GMDS: variants seen among roughly 807,000 people sequenced by gnomAD.
GMDS encodes the protein GDP-mannose 4,6 dehydratase.
In GMDS, 20 loss-of-function variants were observed where a neutral mutation model predicts 49.9. The ratio of observed to expected loss-of-function variants is 0.40; its 90% CI spans 0.28 to 0.58. The LOEUF (loss-of-function observed/expected upper bound fraction) is 0.58. GMDS is among the 20% of genes least tolerant of loss of function. The probability of loss-of-function intolerance (pLI) is 0.42; values close to 1 mark genes in which losing one functional copy is unlikely to be tolerated. For synonymous variants in GMDS, 177 were observed against 178.6 expected (o/e 0.99, Z 0.07); for missense variants, 362 against 481.4 (o/e 0.75, Z 2.32).
intron 7 of GMDS, among the ~76,000 whole-genome samples, chr6:1,808,159 G>C (rs192745532): frequency 1.3e-5 from 2 of 152,296 alleles, no homozygotes; most frequent in African/African-American, 2.4e-5. Flanking sequence ...CCTAAGGTGA[G>C]TCAGGTACCA....
rs1288200636 is a variant in GMDS at position 1,764,289 on chromosome 6, G to A, written c.772-21703C>T. ...ACGGAGGCCCGTGTGTGGGATGTGAGAGCCGAGAGGTTCACAGAGGCAAGA... is the reference window on the plus strand; with the variant it reads ...ACGGAGGCCCGTGTGTGGGATGTGAAAGCCGAGAGGTTCACAGAGGCAAGA... On this transcript the variant is annotated intron_variant, in intron 7 of 10. Coordinates refer to ENST00000380815, the MANE Select transcript of GMDS (RefSeq NM_001500.4). Among the ~76,000 whole-genome samples, 8 of 152,178 alleles carry A rather than the reference G, an allele frequency of 5.3e-5. No individual in the cohort carries two copies. In the East Asian group the frequency reaches 1.5e-3, roughly 29 times the overall value.
intron 4 of GMDS, among the ~76,000 whole-genome samples, chr6:2,113,172 G>A (rs1402985220): frequency 2.0e-5 from 3 of 152,102 alleles, no homozygotes; most frequent in Non-Finnish European, 2.9e-5. Flanking sequence ...TTCTAGTACT[G>A]GTTCTATTGA....
At chr6:1,631,430 G>A (rs900623751) in intron 9 of GMDS, among the ~76,000 whole-genome samples, 33 of 152,008 alleles carry the variant, frequency 2.2e-4, no homozygotes, top group Non-Finnish European at 4.1e-4. Context: ...ATAAGAGGAA[G>A]GTAATTTTCC....
At chr6:1,983,244 A>G (rs1263458203) in intron 4 of GMDS, among the ~76,000 whole-genome samples, 1 of 152,170 alleles carries the variant, frequency 6.6e-6, no homozygotes, top group Non-Finnish European at 1.5e-5. Flanking sequence ...CGGACTAAAG[A>G]CTTAAATGTA....
At chr6:1,671,335 G>A (rs555263757) in intron 9 of GMDS, among the ~76,000 whole-genome samples, 12 of 152,128 alleles carry the variant, frequency 7.9e-5, no homozygotes, top group Non-Finnish European at 1.5e-4. Flanking sequence ...AGGAAGCAGC[G>A]ACTGAAGACT....
intron 7 of GMDS, among the ~76,000 whole-genome samples, chr6:1,926,289 A>C (rs1294766881): frequency 6.6e-6 from 1 of 152,208 alleles, no homozygotes; most frequent in Non-Finnish European, 1.5e-5. Context: ...AAACTGAAAG[A>C]GCACCCTGTA....
At chr6:2,141,560 C>T (rs77151159) in intron 1 of GMDS, among the ~76,000 whole-genome samples, 4 of 152,128 alleles carry the variant, frequency 2.6e-5, no homozygotes, top group African/African-American at 9.7e-5. Context: ...TTCATAAAAC[C>T]GTGAACGCTG....
chr6:2,025,709 T>C (rs950347021), intron 4 of GMDS, among the ~76,000 whole-genome samples: 3 of 152,194 alleles, frequency 2.0e-5, no homozygotes, highest in Non-Finnish European at 4.4e-5. Context: ...GTATATACCA[T>C]GTAGCCAGCT....
rs781508463 is a variant in GMDS at position 1,833,896 on chromosome 6, C to T, written c.772-91310G>A. On this transcript the variant is annotated intron_variant, in intron 7 of 10. Transcript: ENST00000380815. The surrounding 1 kb of genome is among the most constrained non-coding windows in gnomAD (Gnocchi z 4.4). The stretch of plus-strand genomic sequence containing the variant: ...TCAATATCTAAATGAGAAACATGCT[C>T]TCCTTAAAATCACAATGCATATATC... 6.6e-6 allele frequency among the ~76,000 whole-genome samples: 1 copy of T among 152,194 alleles called. No homozygotes were observed. Among genetic ancestry groups the T allele is most frequent in the Non-Finnish European group, 1.5e-5 (1 of 68,028 alleles).
chr6:2,105,433 G>A (rs1400579158), intron 4 of GMDS, among the ~76,000 whole-genome samples: 1 of 152,092 alleles, frequency 6.6e-6, no homozygotes, highest in South Asian at 2.1e-4. Flanking sequence ...CTTTAGGACT[G>A]ACCATACTGG....
intron 7 of GMDS, among the ~76,000 whole-genome samples, chr6:1,846,915 A>G (rs1463546749): frequency 6.6e-6 from 1 of 152,366 alleles, no homozygotes; most frequent in East Asian, 1.9e-4. Flanking sequence ...CAAAACAATG[A>G]CAAGTATGAA....
chr6:2,142,193 A>G (rs1197705045), intron 1 of GMDS, among the ~76,000 whole-genome samples: 3 of 152,180 alleles, frequency 2.0e-5, no homozygotes, highest in Non-Finnish European at 1.5e-5. Flanking sequence ...TCCTGTTCAT[A>G]TTCGAAGGAG....
chr6:1,816,060 T>C (rs1770655540), intron 7 of GMDS, among the ~76,000 whole-genome samples: 1 of 152,238 alleles, frequency 6.6e-6, no homozygotes, highest in South Asian at 2.1e-4. Flanking sequence ...GCATGCTCAC[T>C]GCCCCACCAG....
chr6:1,808,275 C>G (rs1407591981), intron 7 of GMDS, among the ~76,000 whole-genome samples: 2 of 152,136 alleles, frequency 1.3e-5, no homozygotes, highest in Non-Finnish European at 2.9e-5. Flanking sequence ...ATTGGGGGCT[C>G]TTAGCTTTTC....
intron 1 of GMDS, among the ~76,000 whole-genome samples, chr6:2,212,304 C>T (rs932894837): frequency 8.5e-5 from 13 of 152,154 alleles, no homozygotes; most frequent in African/African-American, 3.1e-4. Context: ...TTGTCAAAAA[C>T]TTAAGCAGGC....
At chr6:2,014,766 G>A (rs1449410872) in intron 4 of GMDS, among the ~76,000 whole-genome samples, 2 of 151,962 alleles carry the variant, frequency 1.3e-5, no homozygotes, top group African/African-American at 4.8e-5. Flanking sequence ...ATACTAATTA[G>A]AAAACAAAGA....
chr6:1,968,693 A>G (rs2761245), intron 4 of GMDS, among the ~76,000 whole-genome samples: 104,363 of 151,932 alleles, frequency 0.69, 36,209 homozygotes, highest in East Asian at 0.83. Context: ...GACCCACTGC[A>G]TCTCCCTCAT....
chr6:2,131,383 A>C (rs181825009), intron 1 of GMDS, among the ~76,000 whole-genome samples: 1 of 152,202 alleles, frequency 6.6e-6, no homozygotes, highest in Non-Finnish European at 1.5e-5. Context: ...AAAACAGCAC[A>C]CACACACACA....
intron 9 of GMDS, among the ~76,000 whole-genome samples, chr6:1,636,922 G>T (rs1763170092): frequency 1.3e-5 from 2 of 152,294 alleles, no homozygotes; most frequent in South Asian, 4.1e-4. Context: ...TGCACACGGG[G>T]GATCGCTGGG....
Sources: allele counts gnomAD v4.1 joint callset (sites outside exome capture counted in the v4.1 genomes callset), GRCh38; gene constraint gnomAD v4.1.1; non-coding constraint Gnocchi (gnomAD v3.1); transcripts MANE v1.5; gene names NCBI Gene and HGNC (gene_info 2026-07-23, HGNC 2026-07-21).